The following ERC2 variants were observed in gnomAD, a reference collection of about 807,000 sequenced individuals.
ERC2 encodes ELKS/RAB6-interacting/CAST family member 2.
In ERC2, 42 loss-of-function variants were observed where a neutral mutation model predicts 114.8. The observed-to-expected ratio is 0.37, with a 90% CI of 0.29 to 0.47. The LOEUF is 0.47. ERC2 is among the 20% of genes least tolerant of loss of function. The pLI, the probability that ERC2 is intolerant of heterozygous loss-of-function variation, is 0.99. For missense variants in ERC2, 939 were observed against 1,150.7 expected, an observed-to-expected ratio of 0.82 and a Z score of 2.66; for synonymous variants, 454 against 425.5, an observed-to-expected ratio of 1.07 and a Z score of -0.82.
chr3:55,736,365 C>T (rs1490554373), intron 14 of ERC2, among the ~76,000 whole-genome samples: 1 of 152,160 alleles, frequency 6.6e-6, no homozygotes, highest in Non-Finnish European at 1.5e-5. Flanking sequence ...AAATGTTACC[C>T]TTGTCCCCTC....
rs1205681848 is a variant in ERC2 at position 56,268,341 on chromosome 3, T to C, written c.1074+27678A>G. Among the ~76,000 whole-genome samples the C allele has an allele frequency of 3.3e-5, 5 of 152,204 alleles. No homozygotes were observed. In the South Asian group the frequency reaches 1.0e-3, roughly 32 times the overall value. On this transcript the variant is annotated intron_variant, in intron 3 of 17. Coordinates refer to ENST00000288221, the MANE Select transcript of ERC2 (RefSeq NM_015576.3). Reference sequence around the variant, plus strand: ...AGTATACTCTACAATGTTCACGCAATGTCAAATTGCCTAAAACGCATTTCT... The same window carrying C: ...AGTATACTCTACAATGTTCACGCAACGTCAAATTGCCTAAAACGCATTTCT...
At chr3:55,977,551 T>C (rs541051186) in intron 12 of ERC2, among the ~76,000 whole-genome samples, 7 of 152,318 alleles carry the variant, frequency 4.6e-5, no homozygotes, top group Admixed American at 2.6e-4. Flanking sequence ...CCACCTACCA[T>C]ATTAACAAAG....
intron 14 of ERC2, among the ~76,000 whole-genome samples, chr3:55,883,730 A>G (rs759231865): frequency 3.3e-5 from 5 of 152,060 alleles, no homozygotes; most frequent in Non-Finnish European, 5.9e-5. Flanking sequence ...TCTACTAAAA[A>G]TACAAAAATT....
chr3:55,922,649 C>G (rs116709949), intron 13 of ERC2, among the ~76,000 whole-genome samples: 1 of 152,150 alleles, frequency 6.6e-6, no homozygotes, highest in Admixed American at 6.6e-5. Context: ...AGAGATCCTA[C>G]GTAACTGTCC....
In ERC2 at chr3:55,754,617, T is replaced by A. The variant is rs534533404; in HGVS notation, c.2565-19699A>T. On this transcript the variant is annotated intron_variant, in intron 14 of 17. Coordinates refer to ENST00000288221, the MANE Select transcript of ERC2 (RefSeq NM_015576.3). Reference sequence around the variant, plus strand: ...ATCCATTCTTACATAAAAAAAAAAATTTAAATCTCACAAGAGTAATAGAAA... The same window carrying A: ...ATCCATTCTTACATAAAAAAAAAAAATTAAATCTCACAAGAGTAATAGAAA... Among the ~76,000 whole-genome samples the A allele has an allele frequency of 5.7e-3, 659 of 114,874 alleles. 3 individuals are homozygous for A. Among genetic ancestry groups the A allele is most frequent in the Non-Finnish European group, 9.4e-3 (469 of 49,798 alleles). 75.4% of individuals were successfully genotyped at this position (114,874 alleles called of 152,430 possible).
rs766663682 is a variant in ERC2 at position 56,296,194 on chromosome 3, G to A, written c.899C>T (p.Ala300Val). The change falls in exon 3 of 18, where the codon GCC becomes GTC. Residue 300 changes from alanine (A) to valine (V), a missense_variant. Ala to Val is a moderately conservative substitution (Grantham distance 64). Transcript: ENST00000288221. ...AAGTTTTTTAATTGACTCATCTCGGGCATTGAGGGTTTGTTTCTGCGTTTC... is the reference window on the plus strand; with the variant it reads ...AAGTTTTTTAATTGACTCATCTCGGACATTGAGGGTTTGTTTCTGCGTTTC... Reference protein sequence around the residue: ...RIETQKQTLNARDESIKKLLE... With the variant: ...RIETQKQTLNVRDESIKKLLE... 1 of 1,613,982 alleles carries A rather than the reference G, an allele frequency of 6.2e-7. No individual in the cohort carries two copies. Among genetic ancestry groups the A allele is most frequent in the South Asian group, 1.1e-5 (1 of 91,076 alleles).
chr3:55,786,447 T>G (rs551727319), intron 14 of ERC2, among the ~76,000 whole-genome samples: 1 of 152,314 alleles, frequency 6.6e-6, no homozygotes, highest in East Asian at 1.9e-4. Context: ...TGTGTGTAAC[T>G]GTGTGTGCAG....
intron 14 of ERC2, among the ~76,000 whole-genome samples, chr3:55,833,097 T>C (rs2060688717): frequency 6.7e-6 from 1 of 149,046 alleles, no homozygotes; most frequent in Non-Finnish European, 1.5e-5. Context: ...CTCCAAGAAA[T>C]ATGGGACTAT....
rs1270227088 is a variant in ERC2 at position 56,059,155 on chromosome 3, A to G, written c.1641+21662T>C. ...CACCAGGCTAGGGTGCAGTGGCGCC[A>G]TCTCGGCTCACTGCAACCTCCGCCC... On this transcript the variant is annotated intron_variant, in intron 7 of 17. Transcript: ENST00000288221. Among the ~76,000 whole-genome samples, 9 of 151,036 alleles carry G rather than the reference A, an allele frequency of 6.0e-5. 1 individual carries two copies. Among genetic ancestry groups the G allele is most frequent in the African/African-American group, 2.2e-4 (9 of 40,938 alleles).
Position 55,532,546 on chromosome 3 carries a change from A to AG in ERC2, c.*40-21271dup, listed in dbSNP as rs1319800894. Among the ~76,000 whole-genome samples the AG allele has an allele frequency of 2.0e-5, 3 of 152,346 alleles. No homozygotes were observed. The East Asian group carries it at 5.8e-4, about 29-fold the overall frequency. On this transcript the variant is annotated intron_variant, in intron 17 of 17. Coordinates refer to ENST00000288221, the MANE Select transcript of ERC2 (RefSeq NM_015576.3). ...AACCAGGTGTCAAGTACAGTTTCTA[A>AG]GGCTGTTTACATATATTAACGCACT...
At chr3:55,784,840 C>T (rs1203546841) in intron 14 of ERC2, among the ~76,000 whole-genome samples, 1 of 152,212 alleles carries the variant, frequency 6.6e-6, no homozygotes, top group Non-Finnish European at 1.5e-5. Context: ...ATGGAAGTTG[C>T]TGCCAAAGCT....
intron 3 of ERC2, among the ~76,000 whole-genome samples, chr3:56,197,971 G>A (rs2048200764): frequency 6.6e-6 from 1 of 152,190 alleles, no homozygotes; most frequent in South Asian, 2.1e-4. Flanking sequence ...TAGGCTGCCT[G>A]TGGAACACGT....
intron 14 of ERC2, among the ~76,000 whole-genome samples, chr3:55,855,049 T>A (rs2061732700): frequency 6.6e-6 from 1 of 152,220 alleles, no homozygotes; most frequent in East Asian, 1.9e-4. Flanking sequence ...CTTGAATTCC[T>A]TTAAGATTCT....
intron 12 of ERC2, 78 bp from the exon 13 acceptor site, chr3:55,950,638 C>T: frequency 1.3e-6 from 2 of 1,507,832 alleles, no homozygotes. Flanking sequence ...TCAGGAAGTA[C>T]TAAGTATAGG....
chr3:55,534,668 C>T (rs2053881276), intron 17 of ERC2, among the ~76,000 whole-genome samples: 1 of 152,128 alleles, frequency 6.6e-6, no homozygotes, highest in Non-Finnish European at 1.5e-5. Context: ...TGCACTCCAG[C>T]CTGGGCAACA....
chr3:56,271,801 T>A (rs2053670177), intron 3 of ERC2, among the ~76,000 whole-genome samples: 1 of 152,200 alleles, frequency 6.6e-6, no homozygotes, highest in Non-Finnish European at 1.5e-5. Flanking sequence ...TATTGTTCCC[T>A]TCTTTGTGTC....
intron 12 of ERC2, among the ~76,000 whole-genome samples, chr3:55,965,873 A>G (rs1576387066): frequency 6.6e-6 from 1 of 152,212 alleles, no homozygotes; most frequent in Admixed American, 6.5e-5. Flanking sequence ...GCAAAAATCA[A>G]TGAAGGATAA....
chr3:56,279,392 G>T (rs562826018), intron 3 of ERC2, among the ~76,000 whole-genome samples: 1 of 152,166 alleles, frequency 6.6e-6, no homozygotes, highest in African/African-American at 2.4e-5. Context: ...AGGGCAGGAA[G>T]GACTGAAAGT....
intron 2 of ERC2, among the ~76,000 whole-genome samples, chr3:56,379,613 A>C (rs1294575112): frequency 1.3e-5 from 2 of 152,224 alleles, no homozygotes; most frequent in African/African-American, 2.4e-5. Context: ...TCTACACTGC[A>C]CACTCTACCC....
Sources: gnomAD v4.1 joint callset for allele counts (sites outside exome capture counted in the v4.1 genomes callset) on GRCh38, gnomAD v4.1.1 for gene constraint, MANE v1.5 for transcripts, NCBI Gene and HGNC (gene_info 2026-07-23, HGNC 2026-07-21) for gene names.